The following EXOC6B variants were observed in gnomAD, a reference collection of about 807,000 sequenced individuals.
EXOC6B encodes the protein SEC15 homolog B.
In EXOC6B, 54 loss-of-function variants were observed where a neutral mutation model predicts 113.5. The ratio of observed to expected loss-of-function variants is 0.48; its 90% CI spans 0.38 to 0.60. EXOC6B has a LOEUF of 0.60. Among genes scored for constraint, EXOC6B ranks in the 20% least tolerant of loss-of-function variants. The pLI, the probability that EXOC6B is intolerant of heterozygous loss-of-function variation, is 0.00. For missense variants in EXOC6B, 797 were observed against 977.5 expected (o/e 0.82, Z 2.46); for synonymous variants, 357 against 339.0 (o/e 1.05, Z -0.58).
At chr2:72,301,528 G>A (rs1476863398) in intron 20 of EXOC6B, among the ~76,000 whole-genome samples, 3 of 152,146 alleles carry the variant, frequency 2.0e-5, no homozygotes, top group African/African-American at 7.2e-5. Flanking sequence ...TTCAGGGCTT[G>A]TTACTGGTCT....
At chr2:72,421,772 T>A (rs900651284) in intron 18 of EXOC6B, among the ~76,000 whole-genome samples, 2 of 152,208 alleles carry the variant, frequency 1.3e-5, no homozygotes, top group Admixed American at 1.3e-4. Context: ...TGGGAGCCCC[T>A]TTCTGGGCTG....
intron 20 of EXOC6B, chr2:72,288,690 A>T (rs13396124): frequency 0.076 from 5,364 of 70,254 alleles, 300 homozygotes; most frequent in African/African-American, 0.47. Flanking sequence ...TCTGATAGAA[A>T]TATATATATA....
chr2:72,468,572 G>A (rs1348865041), intron 17 of EXOC6B, among the ~76,000 whole-genome samples: 3 of 152,262 alleles, frequency 2.0e-5, no homozygotes, highest in Non-Finnish European at 2.9e-5. Flanking sequence ...AAGTCAGGTA[G>A]ACTGATGCTT....
intron 20 of EXOC6B, among the ~76,000 whole-genome samples, chr2:72,245,828 A>T (rs1682619091): frequency 6.6e-6 from 1 of 152,210 alleles, no homozygotes; most frequent in Non-Finnish European, 1.5e-5. Context: ...CATCAATTTT[A>T]AAAAGTCACC....
intron 1 of EXOC6B, among the ~76,000 whole-genome samples, chr2:72,814,173 C>A (rs1192857050): frequency 2.0e-5 from 3 of 152,068 alleles, no homozygotes; most frequent in Non-Finnish European, 4.4e-5. Flanking sequence ...GCTTTTTAAT[C>A]AAAAACTATA....
chr2:72,196,375 GCTAGGC>G (rs1214703989), intron 20 of EXOC6B, among the ~76,000 whole-genome samples: 4 of 152,112 alleles, frequency 2.6e-5, no homozygotes, highest in African/African-American at 7.2e-5. Context: ...TTTAGAATAA[GCTAGGC>G]TCTCTGTGGC....
At chr2:72,353,356 T>C (rs1405709547) in intron 19 of EXOC6B, among the ~76,000 whole-genome samples, 1 of 151,106 alleles carries the variant, frequency 6.6e-6, no homozygotes, top group Admixed American at 6.6e-5. Context: ...TTTGTTGTAT[T>C]GTATTGTATT....
At chr2:72,551,815 A>AT (rs1573377388) in intron 8 of EXOC6B, among the ~76,000 whole-genome samples, 1 of 152,320 alleles carries the variant, frequency 6.6e-6, no homozygotes, top group African/African-American at 2.4e-5. Context: ...TTAATAGCTT[A>AT]TAAAAACTAG....
At chr2:72,306,153 A>G (rs909999159) in intron 20 of EXOC6B, among the ~76,000 whole-genome samples, 22 of 152,342 alleles carry the variant, frequency 1.4e-4, no homozygotes, top group African/African-American at 5.3e-4. Context: ...AGAGATATTC[A>G]TAAATATCAT....
intron 20 of EXOC6B, among the ~76,000 whole-genome samples, chr2:72,295,655 G>A (rs1477638679): frequency 1.3e-5 from 2 of 152,094 alleles, no homozygotes; most frequent in Non-Finnish European, 2.9e-5. Context: ...AGTGGAACAA[G>A]GCTTAAAGAA....
chr2:72,672,537 ACT>A (rs1675968686), intron 6 of EXOC6B, among the ~76,000 whole-genome samples: 1 of 88,318 alleles, frequency 1.1e-5, no homozygotes, highest in African/African-American at 4.1e-5. Context: ...ACAGAGCGAG[ACT>A]CTGTCTCAAA....
At chr2:72,570,206 G>T (rs1242207984) in intron 7 of EXOC6B, among the ~76,000 whole-genome samples, 1 of 152,136 alleles carries the variant, frequency 6.6e-6, no homozygotes, top group African/African-American at 2.4e-5. Flanking sequence ...AAAACTGTAT[G>T]AGGATACGGC....
intron 6 of EXOC6B, among the ~76,000 whole-genome samples, chr2:72,602,449 A>G (rs948316874): frequency 9.2e-5 from 14 of 152,210 alleles, no homozygotes; most frequent in African/African-American, 2.7e-4. Flanking sequence ...TTAAGACATA[A>G]TATTCTCTCA....
intron 8 of EXOC6B, among the ~76,000 whole-genome samples, chr2:72,535,027 A>G (rs371342185): frequency 9.2e-5 from 14 of 152,346 alleles, no homozygotes; most frequent in African/African-American, 2.6e-4. Flanking sequence ...ACTATTTCAA[A>G]GAAGGAATGT....
intron 17 of EXOC6B, among the ~76,000 whole-genome samples, chr2:72,472,056 A>AC (rs200590847): frequency 0.01 from 1,578 of 152,058 alleles, 40 homozygotes; most frequent in African/African-American, 0.036. Flanking sequence ...CCATCCTTGC[A>AC]CTCTTGGTCT....
intron 6 of EXOC6B, among the ~76,000 whole-genome samples, chr2:72,658,286 TAAAAAAAAAAAAAAA>T (rs60572283): frequency 1.7e-5 from 1 of 58,726 alleles, no homozygotes; most frequent in Non-Finnish European, 3.1e-5. Flanking sequence ...TAAAAACTAG[TAAAAAAAAAAAAAAA>T]AAAAAAAAAA....
chr2:72,416,319 T>C (rs1428498344), intron 18 of EXOC6B, among the ~76,000 whole-genome samples: 1 of 152,242 alleles, frequency 6.6e-6, no homozygotes, highest in Non-Finnish European at 1.5e-5. Context: ...TTTCCAATTA[T>C]GGCAATAGAC....
intron 6 of EXOC6B, among the ~76,000 whole-genome samples, chr2:72,654,227 C>G (rs1674432024): frequency 6.6e-6 from 1 of 152,168 alleles, no homozygotes; most frequent in Non-Finnish European, 1.5e-5. Context: ...GCCTTGGCCT[C>G]CCAAAGTGCT....
At chr2:72,423,136 C>T (rs563996039) in intron 18 of EXOC6B, among the ~76,000 whole-genome samples, 2 of 152,012 alleles carry the variant, frequency 1.3e-5, no homozygotes, top group South Asian at 2.1e-4. Flanking sequence ...AGTGAGACCA[C>T]GAGCCCACCG....
Sources: allele counts gnomAD v4.1 joint callset (sites outside exome capture counted in the v4.1 genomes callset), GRCh38; gene constraint gnomAD v4.1.1; transcripts MANE v1.5; gene names NCBI Gene and HGNC (gene_info 2026-07-23, HGNC 2026-07-21).